The following ANKIB1 variants were observed in gnomAD, a reference collection of about 807,000 sequenced individuals.
ANKIB1 encodes the protein ankyrin repeat and IBR domain containing 1, also known as ankyrin repeat and IBR domain-containing protein 1.
A neutral mutation model predicts 122.1 loss-of-function variants in ANKIB1; 43 were observed. The ratio of observed to expected loss-of-function variants is 0.35; its 90% CI spans 0.28 to 0.45. The LOEUF is 0.45. Among genes scored for constraint, ANKIB1 ranks in the 20% least tolerant of loss-of-function variants. The pLI is 1.00. For missense variants in ANKIB1, 992 were observed against 1,329.5 expected (o/e 0.75, Z 3.95); for synonymous variants, 390 against 442.0 (o/e 0.88, Z 1.48).
chr7:92,317,667 A>G (rs1802820643), intron 3 of ANKIB1, among the ~76,000 whole-genome samples: 1 of 152,208 alleles, frequency 6.6e-6, no homozygotes, highest in Admixed American at 6.5e-5. Flanking sequence ...GGGCTTGTCA[A>G]GTTAGCCCAT....
intron 9 of ANKIB1, among the ~76,000 whole-genome samples, chr7:92,356,022 A>T (rs963018610): frequency 1.3e-5 from 2 of 152,170 alleles, no homozygotes; most frequent in Non-Finnish European, 2.9e-5. Flanking sequence ...CCACAGTATC[A>T]GGTTTCTAGT....
intron 10 of ANKIB1, among the ~76,000 whole-genome samples, chr7:92,367,310 G>A (rs1045066305): frequency 6.6e-6 from 1 of 152,232 alleles, no homozygotes; most frequent in African/African-American, 2.4e-5. Context: ...CACACTGAAA[G>A]ATAGTGACCA....
chr7:92,270,428 C>G (rs1270320926), intron 1 of ANKIB1, among the ~76,000 whole-genome samples: 2 of 152,060 alleles, frequency 1.3e-5, no homozygotes, highest in Non-Finnish European at 2.9e-5. Context: ...AACTTCTGTA[C>G]CATGACATAG....
At chr7:92,257,748 C>T (rs1484398522) in intron 1 of ANKIB1, among the ~76,000 whole-genome samples, 3 of 152,308 alleles carry the variant, frequency 2.0e-5, no homozygotes, top group East Asian at 1.9e-4. Flanking sequence ...GCAGAGATCG[C>T]GCCATTGTGC....
intron 5 of ANKIB1, among the ~76,000 whole-genome samples, chr7:92,337,528 A>G (rs1562785765): frequency 6.6e-6 from 1 of 152,146 alleles, no homozygotes; most frequent in Admixed American, 6.6e-5. Flanking sequence ...CTTATATTCC[A>G]GGAATAAGGC....
intron 1 of ANKIB1, among the ~76,000 whole-genome samples, chr7:92,254,174 A>G (rs975812068): frequency 1.3e-5 from 2 of 152,196 alleles, no homozygotes; most frequent in African/African-American, 4.8e-5. Context: ...CTGAACGCAC[A>G]GGAACCAGAG....
chr7:92,389,187 C>T (rs1270866651), intron 14 of ANKIB1, among the ~76,000 whole-genome samples: 1 of 152,164 alleles, frequency 6.6e-6, no homozygotes, highest in Non-Finnish European at 1.5e-5. Flanking sequence ...AAACTTCACA[C>T]ATTTCTCACA....
chr7:92,350,593 C>T (rs1309221014), intron 7 of ANKIB1, among the ~76,000 whole-genome samples: 4 of 152,092 alleles, frequency 2.6e-5, no homozygotes, highest in Admixed American at 2.6e-4. Context: ...CACAGTAGTT[C>T]ACGCATATAA....
intron 1 of ANKIB1, among the ~76,000 whole-genome samples, chr7:92,290,199 C>T (rs1488497542): frequency 6.6e-6 from 1 of 152,216 alleles, no homozygotes; most frequent in Non-Finnish European, 1.5e-5. Context: ...ATCTTAGAAA[C>T]TCATCTGTTT....
At chr7:92,281,956 A>T (rs1035117773) in intron 1 of ANKIB1, among the ~76,000 whole-genome samples, 4 of 152,202 alleles carry the variant, frequency 2.6e-5, no homozygotes. Flanking sequence ...CATAGAATTC[A>T]CTTTTTAAAA....
rs780017047 is a variant in ANKIB1 at position 92,294,936 on chromosome 7, A to G, written c.-43A>G. Reference sequence around the variant, plus strand: ...TGTTCCAGAAGTGGCTGAAGATAGAAGGAAAAAAGTGCCACTGCCTATCAG... The same window carrying G: ...TGTTCCAGAAGTGGCTGAAGATAGAGGGAAAAAAGTGCCACTGCCTATCAG... On this transcript the variant is annotated 5_prime_UTR_variant, in exon 2 of 20. Coordinates refer to ENST00000265742, the MANE Select transcript of ANKIB1 (RefSeq NM_019004.2). The G allele has an allele frequency of 2.7e-6, 4 of 1,484,404 alleles. No individual in the cohort carries two copies. Among genetic ancestry groups the G allele is most frequent in the Non-Finnish European group, 3.6e-6 (4 of 1,101,086 alleles). 92.0% of individuals were successfully genotyped at this position (1,484,404 alleles called of 1,614,324 possible).
At chr7:92,275,950 T>C (rs1228766518) in intron 1 of ANKIB1, among the ~76,000 whole-genome samples, 1 of 152,314 alleles carries the variant, frequency 6.6e-6, no homozygotes, top group East Asian at 1.9e-4. Flanking sequence ...TAACCCACAA[T>C]AAGTAATTTT....
At chr7:92,307,226 C>G (rs1802578931) in intron 2 of ANKIB1, 133 bp from the exon 3 acceptor site, 1 of 871,262 alleles carries the variant, frequency 1.1e-6, no homozygotes, top group Admixed American at 3.0e-5. Flanking sequence ...CTGTTGTAAA[C>G]CAGACCCTCA....
intron 5 of ANKIB1, among the ~76,000 whole-genome samples, chr7:92,331,054 G>A (rs1190648788): frequency 1.3e-5 from 2 of 152,122 alleles, no homozygotes; most frequent in African/African-American, 2.4e-5. Flanking sequence ...AGAGCTGGCA[G>A]AAAAGTAGAA....
chr7:92,313,559 G>A (rs1395155555), intron 3 of ANKIB1, among the ~76,000 whole-genome samples: 1 of 151,986 alleles, frequency 6.6e-6, no homozygotes, highest in Non-Finnish European at 1.5e-5. Flanking sequence ...TAACTATTTA[G>A]GCAGTGACTG....
At chr7:92,338,509 A>G (rs1803343417) in intron 5 of ANKIB1, among the ~76,000 whole-genome samples, 1 of 152,176 alleles carries the variant, frequency 6.6e-6, no homozygotes. Flanking sequence ...GTTTTTAATA[A>G]TTCTGCATTT....
At chr7:92,371,949 G>C (rs994470490) in intron 11 of ANKIB1, among the ~76,000 whole-genome samples, 1 of 140,570 alleles carries the variant, frequency 7.1e-6, no homozygotes, top group Non-Finnish European at 1.5e-5. Context: ...CTTGAGAGAG[G>C]GGTGTGTGTG....
chr7:92,281,408 C>T (rs938068351), intron 1 of ANKIB1, among the ~76,000 whole-genome samples: 21 of 152,258 alleles, frequency 1.4e-4, no homozygotes, highest in Non-Finnish European at 2.9e-4. Context: ...ATCCAAGTTC[C>T]CAGACACCAG....
chr7:92,359,595 G>T (rs1562792219), intron 9 of ANKIB1, among the ~76,000 whole-genome samples: 1 of 152,150 alleles, frequency 6.6e-6, no homozygotes, highest in Non-Finnish European at 1.5e-5. Context: ...CCAGTAATGG[G>T]ATTGCTGGGT....
Sources: allele counts gnomAD v4.1 joint callset (sites outside exome capture counted in the v4.1 genomes callset), GRCh38; gene constraint gnomAD v4.1.1; transcripts MANE v1.5; gene names NCBI Gene and HGNC (gene_info 2026-07-23, HGNC 2026-07-21).